Variants in LUZP2 observed in about 807,000 individuals in gnomAD.
The protein encoded by LUZP2 is leucine zipper protein 2.
A neutral mutation model predicts 51.6 loss-of-function variants in LUZP2; 52 were observed. The ratio of observed to expected loss-of-function variants is 1.01; its 90% CI spans 0.81 to 1.27. LUZP2 has a LOEUF of 1.27. Ranked by LOEUF, LUZP2 falls within the 50% of genes most tolerant of loss-of-function variation. LUZP2 has a pLI of 0.00. For missense variants in LUZP2, 436 were observed against 395.4 expected, an observed-to-expected ratio of 1.10 and a Z score of -0.87; for synonymous variants, 154 against 137.3, an observed-to-expected ratio of 1.12 and a Z score of -0.85.
intron 1 of LUZP2, among the ~76,000 whole-genome samples, chr11:24,705,264 G>T (rs1372195344): frequency 6.6e-6 from 1 of 152,114 alleles, no homozygotes; most frequent in Non-Finnish European, 1.5e-5. Flanking sequence ...TGAAAGAGAA[G>T]TGAAAAGAGA....
At chr11:24,879,105 C>T (rs924605289) in intron 5 of LUZP2, among the ~76,000 whole-genome samples, 23 of 152,084 alleles carry the variant, frequency 1.5e-4, no homozygotes, top group Admixed American at 2.6e-4. Flanking sequence ...CCACCATGCC[C>T]GGCTAATTTT....
intron 5 of LUZP2, among the ~76,000 whole-genome samples, chr11:24,881,989 TATTTA>T (rs1381985686): frequency 2.0e-5 from 3 of 152,028 alleles, no homozygotes; most frequent in African/African-American, 7.2e-5. Context: ...CTCAATTCCT[TATTTA>T]ATTAGATCTT....
At chr11:24,537,279 A>T (rs776156154) in intron 1 of LUZP2, among the ~76,000 whole-genome samples, 9 of 152,014 alleles carry the variant, frequency 5.9e-5, no homozygotes, top group African/African-American at 9.6e-5. Flanking sequence ...TTCAATTTTT[A>T]AAAAATGCAA....
At chr11:24,820,227 C>T (rs562945268) in intron 5 of LUZP2, among the ~76,000 whole-genome samples, 1 of 152,220 alleles carries the variant, frequency 6.6e-6, no homozygotes, top group Admixed American at 6.5e-5. Flanking sequence ...AGGGAGGTGG[C>T]ACTGGTGCCA....
At chr11:24,733,735 T>C (rs748047975) in intron 3 of LUZP2, among the ~76,000 whole-genome samples, 15 of 151,400 alleles carry the variant, frequency 9.9e-5, no homozygotes, top group Non-Finnish European at 1.8e-4. Context: ...TAATAAACTG[T>C]ATTTTTTAAA....
chr11:24,638,600 G>T (rs1359668848), intron 1 of LUZP2, among the ~76,000 whole-genome samples: 1 of 151,194 alleles, frequency 6.6e-6, no homozygotes, highest in African/African-American at 2.4e-5. Context: ...CTTAAAAGAA[G>T]GATTAACTTG....
chr11:24,759,187 G>T (rs535287770), intron 4 of LUZP2, among the ~76,000 whole-genome samples: 3 of 152,138 alleles, frequency 2.0e-5, no homozygotes, highest in African/African-American at 7.2e-5. Flanking sequence ...AATTTTTATG[G>T]CTTAACTTGT....
At chr11:24,848,991 G>T (rs979553454) in intron 5 of LUZP2, among the ~76,000 whole-genome samples, 3 of 151,872 alleles carry the variant, frequency 2.0e-5, no homozygotes, top group African/African-American at 7.3e-5. Context: ...ACCTAAGTGG[G>T]GAAGGTATAA....
chr11:25,071,948 A>G (rs183408879), intron 10 of LUZP2, among the ~76,000 whole-genome samples: 235 of 152,278 alleles, frequency 1.5e-3, no homozygotes, highest in African/African-American at 5.5e-3. Context: ...AAATAATTAA[A>G]CAAATGATTC....
At position 25,015,928 on chromosome 11, in the gene LUZP2, AT is replaced by A. The variant is rs1156620130; in HGVS notation, c.765+32645del. Among the ~76,000 whole-genome samples, 639 of 113,226 alleles carry A rather than the reference AT, an allele frequency of 5.6e-3. 6 individuals are homozygous for A. Among genetic ancestry groups the A allele is most frequent in the African/African-American group, 0.023 (600 of 26,310 alleles). The allele number at this position is 113,226 out of a possible 152,430, so 74.3% of individuals were successfully genotyped here. A position where few individuals can be genotyped will look rare whatever the true frequency, so the allele number is the denominator to read the frequency against. On this transcript the variant is annotated intron_variant, in intron 9 of 11. Coordinates refer to ENST00000336930, the MANE Select transcript of LUZP2 (RefSeq NM_001009909.4). ...TTTTTTTTGTATTTTTTACTTATTT[AT>A]TTTTTTTTTGAGATGGAGTCTCTCT... is the stretch of plus-strand genomic sequence containing the variant.
At position 24,926,236 on chromosome 11, in the gene LUZP2, T is replaced by C. The variant is rs184455056; in HGVS notation, c.522+11698T>C. Among the ~76,000 whole-genome samples the C allele has an allele frequency of 1.6e-3, 227 of 145,772 alleles. 1 individual carries two copies. The highest frequency in any genetic ancestry group is 3.4e-3 in the African/African-American group (136 of 39,732). On this transcript the variant is annotated intron_variant, in intron 7 of 11. Coordinates refer to ENST00000336930, the MANE Select transcript of LUZP2 (RefSeq NM_001009909.4). ...ATATATATATACGTGTATATATATATGTGTGTGTATATATATACGTGTGTG... is the reference window on the plus strand; with the variant it reads ...ATATATATATACGTGTATATATATACGTGTGTGTATATATATACGTGTGTG...
intron 5 of LUZP2, among the ~76,000 whole-genome samples, chr11:24,823,526 A>G (rs1009059066): frequency 6.6e-6 from 1 of 152,148 alleles, no homozygotes; most frequent in African/African-American, 2.4e-5. Context: ...ATTTACATTA[A>G]CAAAATGATT....
intron 1 of LUZP2, among the ~76,000 whole-genome samples, chr11:24,532,934 A>C (rs1851056290): frequency 6.6e-6 from 1 of 151,210 alleles, no homozygotes; most frequent in Admixed American, 6.6e-5. Flanking sequence ...ATACAGTCTT[A>C]ATTATGCTGA....
chr11:24,807,781 G>A (rs531269259), intron 5 of LUZP2, among the ~76,000 whole-genome samples: 1 of 152,170 alleles, frequency 6.6e-6, no homozygotes, highest in South Asian at 2.1e-4. Flanking sequence ...TCAGGCAAGC[G>A]AGGTCAGAGA....
chr11:24,992,183 G>A (rs902149666), intron 9 of LUZP2, among the ~76,000 whole-genome samples: 5 of 152,118 alleles, frequency 3.3e-5, no homozygotes, highest in African/African-American at 9.6e-5. Flanking sequence ...ACATACATTG[G>A]CAAGTTTCCA....
chr11:25,071,004 C>G (rs920523471), intron 10 of LUZP2, among the ~76,000 whole-genome samples: 1 of 151,810 alleles, frequency 6.6e-6, no homozygotes, highest in African/African-American at 2.4e-5. Context: ...AAAACAGAGC[C>G]CTATTCATGT....
intron 5 of LUZP2, among the ~76,000 whole-genome samples, chr11:24,841,951 A>C (rs1201932892): frequency 6.6e-6 from 1 of 152,104 alleles, no homozygotes; most frequent in Non-Finnish European, 1.5e-5. Context: ...AAATATTAGC[A>C]TAGTATGAGG....
intron 5 of LUZP2, among the ~76,000 whole-genome samples, chr11:24,789,498 A>G (rs990068036): frequency 6.6e-6 from 1 of 152,270 alleles, no homozygotes; most frequent in African/African-American, 2.4e-5. Context: ...TGATTGCTTC[A>G]TCTGTTTCCT....
At chr11:24,948,824 CATCT>C (rs67058181) in intron 7 of LUZP2, among the ~76,000 whole-genome samples, 12,911 of 122,428 alleles carry the variant, frequency 0.11, 1,007 homozygotes, top group African/African-American at 0.22. Flanking sequence ...ATCTATCTAT[CATCT>C]ATCTATCTAT....
Sources: allele counts gnomAD v4.1 joint callset (sites outside exome capture counted in the v4.1 genomes callset), GRCh38; gene constraint gnomAD v4.1.1; transcripts MANE v1.5; gene names NCBI Gene and HGNC (gene_info 2026-07-23, HGNC 2026-07-21).